MDFIC2: variants seen among roughly 807,000 people sequenced by gnomAD.
The protein encoded by MDFIC2 is MyoD family inhibitor domain containing 2, also known as myoD family inhibitor domain-containing protein 2.
At chr3:70,253,143 A>G (rs1701785301) in intron 2 of MDFIC2, among the ~76,000 whole-genome samples, 3 of 152,214 alleles carry the variant, frequency 2.0e-5, no homozygotes, top group African/African-American at 7.2e-5. Context: ...GATTGTGATA[A>G]GTGCTAAAGA....
chr3:70,262,214 G>A, intron 2 of MDFIC2, among the ~76,000 whole-genome samples: 1 of 152,160 alleles, frequency 6.6e-6, no homozygotes, highest in East Asian at 1.9e-4. Context: ...ATGATGAAAG[G>A]ATGAAAATGC....
chr3:70,232,645 G>T (rs999400233), intron 2 of MDFIC2, among the ~76,000 whole-genome samples: 3 of 151,962 alleles, frequency 2.0e-5, no homozygotes, highest in African/African-American at 7.3e-5. Context: ...TGATCCGCCC[G>T]CCTCAGCCTC....
At chr3:70,280,529 C>G (rs1048718810) in intron 2 of MDFIC2, among the ~76,000 whole-genome samples, 1 of 152,168 alleles carries the variant, frequency 6.6e-6, no homozygotes, top group Non-Finnish European at 1.5e-5. Context: ...GAAGCATTAT[C>G]TCTACTTTTG....
intron 2 of MDFIC2, among the ~76,000 whole-genome samples, chr3:70,237,460 C>T (rs193045966): frequency 2.0e-5 from 3 of 152,308 alleles, no homozygotes; most frequent in East Asian, 1.9e-4. Flanking sequence ...TTCAGTGAAA[C>T]GTCTGCTTAT....
At chr3:70,286,866 G>T (rs138557474) in intron 2 of MDFIC2, among the ~76,000 whole-genome samples, 15 of 151,974 alleles carry the variant, frequency 9.9e-5, no homozygotes, top group African/African-American at 3.4e-4. Context: ...TTTGTCTGTT[G>T]TTGGTGTATA....
At chr3:70,214,209 T>A (rs115143878) in intron 2 of MDFIC2, among the ~76,000 whole-genome samples, 2,785 of 152,182 alleles carry the variant, frequency 0.018, 92 homozygotes, top group African/African-American at 0.062. Flanking sequence ...ATACATATAT[T>A]TGACATTTTT....
intron 2 of MDFIC2, among the ~76,000 whole-genome samples, chr3:70,215,439 G>T (rs1032160502): frequency 1.3e-5 from 2 of 152,026 alleles, no homozygotes; most frequent in East Asian, 1.9e-4. Flanking sequence ...TGATCCTGCT[G>T]GTATTTGATT....
intron 2 of MDFIC2, among the ~76,000 whole-genome samples, chr3:70,289,253 TG>T (rs1411225814): frequency 1.3e-5 from 2 of 151,154 alleles, no homozygotes; most frequent in African/African-American, 4.9e-5. Context: ...AGGGCAGGCC[TG>T]GTGGTGACAA....
chr3:70,282,257 C>G (rs1702093071), intron 2 of MDFIC2, among the ~76,000 whole-genome samples: 1 of 152,056 alleles, frequency 6.6e-6, no homozygotes, highest in Non-Finnish European at 1.5e-5. Flanking sequence ...GCAATGGGAC[C>G]TAGAAGGAAC....
chr3:70,287,213 T>C (rs1702175518), intron 2 of MDFIC2, among the ~76,000 whole-genome samples: 1 of 138,866 alleles, frequency 7.2e-6, no homozygotes. Context: ...ATAGCTCTTA[T>C]TATTTTGAAA....
chr3:70,234,231 T>G (rs556220275), intron 2 of MDFIC2, among the ~76,000 whole-genome samples: 11 of 152,326 alleles, frequency 7.2e-5, no homozygotes, highest in Admixed American at 6.5e-4. Flanking sequence ...AGGGCTGGGT[T>G]GACACCTAAA....
chr3:70,311,353 C>A (rs1197910345), intron 2 of MDFIC2, among the ~76,000 whole-genome samples: 1 of 152,182 alleles, frequency 6.6e-6, no homozygotes, highest in East Asian at 1.9e-4. Flanking sequence ...AATCTGTACT[C>A]ATTAGGAGAA....
At chr3:70,201,749 C>G (rs552011212) in intron 3 of MDFIC2, among the ~76,000 whole-genome samples, 1 of 152,308 alleles carries the variant, frequency 6.6e-6, no homozygotes, top group East Asian at 1.9e-4. Flanking sequence ...CAGGCCACTA[C>G]CAGCTTCTTG....
chr3:70,252,317 C>CG (rs1287191601), intron 2 of MDFIC2, among the ~76,000 whole-genome samples: 4 of 152,062 alleles, frequency 2.6e-5, no homozygotes, highest in African/African-American at 9.7e-5. Context: ...TATGGTGTGG[C>CG]GTACAATTCT....
At chr3:70,277,036 T>C (rs976302997) in intron 2 of MDFIC2, among the ~76,000 whole-genome samples, 1 of 152,198 alleles carries the variant, frequency 6.6e-6, no homozygotes, top group African/African-American at 2.4e-5. Flanking sequence ...CATTCATGGA[T>C]AATTACCAAA....
intron 2 of MDFIC2, among the ~76,000 whole-genome samples, chr3:70,220,975 T>G (rs571092762): frequency 1.4e-4 from 21 of 152,274 alleles, no homozygotes; most frequent in African/African-American, 4.3e-4. Context: ...TACTAAGTGG[T>G]AGGTAATGAC....
chr3:70,250,411 T>TCACACA (rs61355248), intron 2 of MDFIC2, among the ~76,000 whole-genome samples: 1,268 of 124,918 alleles, frequency 0.01, 13 homozygotes, highest in African/African-American at 0.029. Context: ...TTAATGAATC[T>TCACACA]CACACACACA....
chr3:70,277,202 C>A (rs1575613225), intron 2 of MDFIC2, among the ~76,000 whole-genome samples: 1 of 152,148 alleles, frequency 6.6e-6, no homozygotes, highest in East Asian at 1.9e-4. Context: ...ATGAACATAG[C>A]CCGTATCTCC....
chr3:70,229,533 A>G (rs1701539457), intron 2 of MDFIC2, among the ~76,000 whole-genome samples: 1 of 152,206 alleles, frequency 6.6e-6, no homozygotes, highest in African/African-American at 2.4e-5. Flanking sequence ...AGCAGGACAT[A>G]AAAATAGTTC....
Sources: gnomAD v4.1 joint callset for allele counts (sites outside exome capture counted in the v4.1 genomes callset) on GRCh38, gnomAD v4.1.1 for gene constraint, MANE v1.5 for transcripts, NCBI Gene and HGNC (gene_info 2026-07-23, HGNC 2026-07-21) for gene names.